Variants in PITPNC1 observed in about 807,000 individuals in gnomAD.
PITPNC1 encodes the protein phosphatidylinositol transfer protein cytoplasmic 1, also known as cytoplasmic phosphatidylinositol transfer protein 1.
Under a neutral mutation model 44.7 loss-of-function variants are expected in PITPNC1, and 18 were observed. That is an observed-to-expected ratio of 0.40 (90% CI 0.28 to 0.60). The LOEUF (loss-of-function observed/expected upper bound fraction) is 0.60. Ranked by LOEUF, PITPNC1 falls within the 20% of genes least tolerant of loss-of-function variation. The pLI is 0.39. For synonymous variants in PITPNC1, 141 were observed against 149.6 expected (o/e 0.94, Z 0.42); for missense variants, 290 against 418.4 (o/e 0.69, Z 2.68).
chr17:67,423,847 C>G (rs1249022594), intron 1 of PITPNC1, among the ~76,000 whole-genome samples: 2 of 152,230 alleles, frequency 1.3e-5, no homozygotes, highest in South Asian at 2.1e-4. Context: ...GCAATGCTCC[C>G]TCTTGGGCAT....
At chr17:67,633,888 T>TA (rs1006360906) in intron 6 of PITPNC1, among the ~76,000 whole-genome samples, 8 of 152,240 alleles carry the variant, frequency 5.3e-5, no homozygotes, top group African/African-American at 1.7e-4. Context: ...AACTCTGAAC[T>TA]AATTTCAGCT....
At chr17:67,465,402 C>T (rs890137319) in intron 1 of PITPNC1, among the ~76,000 whole-genome samples, 3 of 152,138 alleles carry the variant, frequency 2.0e-5, no homozygotes, top group Non-Finnish European at 2.9e-5. Flanking sequence ...ATGGTAGCAC[C>T]GATGTGGAAT....
chr17:67,565,816 T>C (rs942685133), intron 4 of PITPNC1, among the ~76,000 whole-genome samples: 1 of 151,978 alleles, frequency 6.6e-6, no homozygotes, highest in African/African-American at 2.4e-5. Flanking sequence ...TGGTTTTTGG[T>C]GTGTATATTA....
intron 2 of PITPNC1, among the ~76,000 whole-genome samples, chr17:67,541,666 T>C (rs1008481790): frequency 1.3e-5 from 2 of 152,230 alleles, no homozygotes; most frequent in African/African-American, 4.8e-5. Context: ...CACTTTAAAA[T>C]GGATATAGAC....
intron 1 of PITPNC1, among the ~76,000 whole-genome samples, chr17:67,446,080 G>A (rs902633627): frequency 2.6e-5 from 4 of 151,934 alleles, no homozygotes; most frequent in Non-Finnish European, 5.9e-5. Context: ...CCAAGTAGCT[G>A]GGATTACAGG....
intron 5 of PITPNC1, among the ~76,000 whole-genome samples, chr17:67,616,042 C>T (rs1354376657): frequency 6.6e-6 from 1 of 152,148 alleles, no homozygotes; most frequent in African/African-American, 2.4e-5. Context: ...TGATTTTGTG[C>T]CCTTACAGCC....
intron 4 of PITPNC1, among the ~76,000 whole-genome samples, chr17:67,577,472 A>C (rs1403788082): frequency 6.6e-6 from 1 of 151,348 alleles, no homozygotes; most frequent in Non-Finnish European, 1.5e-5. Flanking sequence ...AAGGCATGAG[A>C]ATCACTTGAA....
At position 67,630,103 on chromosome 17, in the gene PITPNC1, C is replaced by T. The variant is rs544012582; in HGVS notation, c.367-2040C>T. Among the ~76,000 whole-genome samples the T allele has an allele frequency of 6.6e-5, 10 of 152,228 alleles. No individual in the cohort carries two copies. The South Asian group carries it at 2.1e-3, about 32-fold the overall frequency. On this transcript the variant is annotated intron_variant, in intron 5 of 8. Coordinates refer to ENST00000581322, the MANE Select transcript of PITPNC1 (RefSeq NM_012417.4). Reference sequence around the variant, plus strand: ...GAGATGAGTTGAGCCTATAAAGAGCCCTTCAGATGCCCTCTTGTGGGAGAC... The same window carrying T: ...GAGATGAGTTGAGCCTATAAAGAGCTCTTCAGATGCCCTCTTGTGGGAGAC...
chr17:67,529,164 C>T (rs568287978), intron 1 of PITPNC1, among the ~76,000 whole-genome samples: 1 of 152,298 alleles, frequency 6.6e-6, no homozygotes, highest in East Asian at 1.9e-4. Context: ...GCCGGCCGCC[C>T]AGCCCTCCAC....
intron 1 of PITPNC1, among the ~76,000 whole-genome samples, chr17:67,496,306 T>G (rs2039951749): frequency 6.6e-6 from 1 of 152,230 alleles, no homozygotes; most frequent in African/African-American, 2.4e-5. Flanking sequence ...TACAAGTTCT[T>G]GTATGCGGTT....
At chr17:67,596,017 T>C (rs1392665065) in intron 5 of PITPNC1, among the ~76,000 whole-genome samples, 1 of 152,182 alleles carries the variant, frequency 6.6e-6, no homozygotes, top group Non-Finnish European at 1.5e-5. Flanking sequence ...TAAAACCAAA[T>C]AATTGACCAT....
chr17:67,405,734 TA>T (rs1210708903), intron 1 of PITPNC1, among the ~76,000 whole-genome samples: 1 of 151,900 alleles, frequency 6.6e-6, no homozygotes, highest in Non-Finnish European at 1.5e-5. Flanking sequence ...GCCTCCCGAG[TA>T]GCTGGGATTA....
chr17:67,473,294 T>A (rs1397015199), intron 1 of PITPNC1, among the ~76,000 whole-genome samples: 1 of 151,886 alleles, frequency 6.6e-6, no homozygotes, highest in African/African-American at 2.4e-5. Context: ...CTCGGCCTCC[T>A]AAGTGCTGGG....
At chr17:67,431,385 C>T (rs1180719485) in intron 1 of PITPNC1, among the ~76,000 whole-genome samples, 2 of 152,006 alleles carry the variant, frequency 1.3e-5, no homozygotes, top group African/African-American at 4.8e-5. Context: ...TACGGCTTTC[C>T]CCCTCTTTCT....
At chr17:67,636,746 T>G (rs1375819400) in intron 6 of PITPNC1, among the ~76,000 whole-genome samples, 1 of 152,142 alleles carries the variant, frequency 6.6e-6, no homozygotes, top group African/African-American at 2.4e-5. Context: ...CTGGGCTGTT[T>G]TGGTGGTTGT....
At position 67,513,353 on chromosome 17, in the gene PITPNC1, G is replaced by GTATCTATATCTA. The variant is rs66547837; in HGVS notation, c.49-19406_49-19395dup. Among the ~76,000 whole-genome samples the GTATCTATATCTA allele has an allele frequency of 5.3e-3, 737 of 139,234 alleles. 7 individuals are homozygous for GTATCTATATCTA. The highest frequency in any genetic ancestry group is 0.016 in the African/African-American group (601 of 36,998). The allele number at this position is 139,234 out of a possible 152,430, so 91.3% of individuals were successfully genotyped here. On this transcript the variant is annotated intron_variant, in intron 1 of 8. Transcript: ENST00000581322. ...AGCCTGGGTGACACAGGAAGAGTCT[G>GTATCTATATCTA]TATCTATATCTATATCTATATCTAT...
intron 1 of PITPNC1, among the ~76,000 whole-genome samples, chr17:67,444,228 C>T (rs2039060636): frequency 6.6e-6 from 1 of 151,992 alleles, no homozygotes; most frequent in African/African-American, 2.4e-5. Flanking sequence ...AGAACATGAA[C>T]ATTGTAATTG....
At position 67,425,203 on chromosome 17, in the gene PITPNC1, G is replaced by GCACGCA. The variant is rs1555649746; in HGVS notation, c.48+47004_48+47005insGCACAC. On this transcript the variant is annotated intron_variant, in intron 1 of 8. Coordinates refer to ENST00000581322, the MANE Select transcript of PITPNC1 (RefSeq NM_012417.4). ...CCATGTTGTGCGCGCGCACGCACAC[G>GCACGCA]CACACACACACACACACACACACAC... Among the ~76,000 whole-genome samples the GCACGCA allele has an allele frequency of 1.6e-3, 154 of 98,812 alleles. 6 individuals are homozygous for GCACGCA. Among genetic ancestry groups the GCACGCA allele is most frequent in the Non-Finnish European group, 2.3e-3 (118 of 50,362 alleles). The allele number at this position is 98,812 out of a possible 152,430, so 64.8% of individuals were successfully genotyped here.
chr17:67,648,534 C>G (rs1252945247), intron 6 of PITPNC1, among the ~76,000 whole-genome samples: 1 of 152,188 alleles, frequency 6.6e-6, no homozygotes. Context: ...GAACTATACT[C>G]ATATTGCCAA....
Sources: allele counts gnomAD v4.1 joint callset (sites outside exome capture counted in the v4.1 genomes callset), GRCh38; gene constraint gnomAD v4.1.1; transcripts MANE v1.5; gene names NCBI Gene and HGNC (gene_info 2026-07-23, HGNC 2026-07-21).